PHF3: variants seen among roughly 807,000 people sequenced by gnomAD.
PHF3 encodes the protein PHD finger protein 3.
PHF3 carries 41 observed loss-of-function variants against 178.4 expected under a neutral mutation model. That is an observed-to-expected ratio of 0.23 (90% confidence interval 0.18 to 0.30). The LOEUF (loss-of-function observed/expected upper bound fraction) is 0.30, where lower values mean the gene tolerates loss of function less well. Ranked by LOEUF, PHF3 falls within the 10% of genes least tolerant of loss-of-function variation. PHF3 has a pLI of 1.00. For missense variants in PHF3, 2,346 were observed against 2,398.1 expected (o/e 0.98, Z 0.45); for synonymous variants, 842 against 800.5 (o/e 1.05, Z -0.88).
chr6:63,675,909 T>A (rs1766145285), intron 2 of PHF3, among the ~76,000 whole-genome samples: 1 of 152,216 alleles, frequency 6.6e-6, no homozygotes, highest in South Asian at 2.1e-4. Flanking sequence ...TCTCATCTGA[T>A]TCTCTGCTTT....
intron 14 of PHF3, among the ~76,000 whole-genome samples, chr6:63,710,342 A>G (rs1278754424): frequency 6.6e-6 from 1 of 152,180 alleles, no homozygotes; most frequent in Non-Finnish European, 1.5e-5. Context: ...TGTTACTAAC[A>G]TATGTATGGT....
intron 3 of PHF3, among the ~76,000 whole-genome samples, chr6:63,683,380 G>A (rs532262412): frequency 2.6e-5 from 4 of 152,092 alleles, no homozygotes; most frequent in East Asian, 1.9e-4. Flanking sequence ...TGATACAAGG[G>A]GGGGATGTAT....
chr6:63,717,831 A>AT lies in PHF3; in HGVS notation c.*4130dup, dbSNP rs948051870. ...AGATAATTTTGTCCTCAAAGTAATG[A>AT]TTTTTTTCAGGAACTTATTATTTAT... is the stretch of plus-strand genomic sequence containing the variant. On this transcript the variant is annotated 3_prime_UTR_variant, in exon 16 of 16. Transcript: ENST00000262043. Among the ~76,000 whole-genome samples the AT allele has an allele frequency of 5.3e-5, 8 of 151,956 alleles. No individual in the cohort carries two copies. The highest frequency in any genetic ancestry group is 1.3e-4 in the Admixed American group (2 of 15,226).
rs1417885406 is a variant in PHF3 at position 63,722,292 on chromosome 6, C to T, written c.*8584C>T. Among the ~76,000 whole-genome samples, 1 of 152,110 alleles carries T rather than the reference C, an allele frequency of 6.6e-6. No individual in the cohort carries two copies. The highest frequency in any genetic ancestry group is 2.1e-4 in the South Asian group (1 of 4,832). On this transcript the variant is annotated 3_prime_UTR_variant, in exon 16 of 16. Transcript: ENST00000262043. ...CGCCTGTTTTCTAGGAACACTCCGCCACCCCATTCCACCTCAACTAGATAA... is the reference window on the plus strand; with the variant it reads ...CGCCTGTTTTCTAGGAACACTCCGCTACCCCATTCCACCTCAACTAGATAA...
intron 1 of PHF3, among the ~76,000 whole-genome samples, chr6:63,645,682 A>G (rs2225595): frequency 0.78 from 118,222 of 152,078 alleles, 47,026 homozygotes; most frequent in African/African-American, 0.94. Context: ...TCTCAAACTG[A>G]TTTAACTTAA....
In PHF3 at chr6:63,646,742, G is replaced by A. The variant is rs898280982; in HGVS notation, c.191G>A (p.Cys64Tyr). The stretch of plus-strand genomic sequence containing the variant: ...CTAGGATCTGCAAGTAACCAGTTCT[G>A]TTTGCCTGTTTTGGATAGCAATGAT... ...PMLGSASNQF[C>Y]LPVLDSNDPN... Residue 64 changes from cysteine to tyrosine, a missense_variant, in exon 2 of 16, where the codon TGT becomes TAT. Physicochemically the swap from Cys to Tyr is radical, Grantham distance 194. Coordinates refer to ENST00000262043, the MANE Select transcript of PHF3 (RefSeq NM_001370348.2). 1 of 1,594,552 alleles carries A rather than the reference G, an allele frequency of 6.3e-7. No homozygotes were observed. Among genetic ancestry groups the A allele is most frequent in the Non-Finnish European group, 8.5e-7 (1 of 1,171,922 alleles).
intron 2 of PHF3, among the ~76,000 whole-genome samples, chr6:63,659,209 A>G (rs562279403): frequency 2.0e-5 from 3 of 152,312 alleles, no homozygotes; most frequent in East Asian, 1.9e-4. Flanking sequence ...CCATTCCACA[A>G]TGTATACATA....
At chr6:63,695,550 T>C (rs1767197286) in intron 6 of PHF3, among the ~76,000 whole-genome samples, 1 of 152,162 alleles carries the variant, frequency 6.6e-6, no homozygotes, top group Non-Finnish European at 1.5e-5. Context: ...TTTGGGGCTA[T>C]GGCAGAGTTT....
rs765933173 is a variant in PHF3 at position 63,711,143 on chromosome 6, A to G, written c.3802-24A>G. The G allele has an allele frequency of 3.3e-6, 5 of 1,538,016 alleles. No individual in the cohort carries two copies. In the African/African-American group the frequency reaches 4.1e-5, roughly 13 times the overall value. On this transcript the variant is annotated intron_variant, in intron 14 of 15. Coordinates refer to ENST00000262043, the MANE Select transcript of PHF3 (RefSeq NM_001370348.2). Reference sequence around the variant, plus strand: ...ACTCTTTAGCTTATTACCTTAAACAATTATTTGTTATTTTCTTGAACAGGA... The same window carrying G: ...ACTCTTTAGCTTATTACCTTAAACAGTTATTTGTTATTTTCTTGAACAGGA...
At position 63,721,803 on chromosome 6, in the gene PHF3, A is replaced by AGG. The variant is rs1561994472; in HGVS notation, c.*8096_*8097insGG. 2 of 1,538,200 alleles carry AGG rather than the reference A, an allele frequency of 1.3e-6. No individual in the cohort carries two copies. The highest frequency in any genetic ancestry group is 2.8e-5 in the African/African-American group (2 of 72,380). On this transcript the variant is annotated 3_prime_UTR_variant, in exon 16 of 16. Transcript: ENST00000262043. Reference sequence around the variant, plus strand: ...AGAGATGCATAAAAAATCACCTGCAAGAAAGCAAACAGTAAGTTTGATTAG... The same window carrying AGG: ...AGAGATGCATAAAAAATCACCTGCAAGGGAAAGCAAACAGTAAGTTTGATTAG...
chr6:63,638,470 C>T (rs879449372), intron 1 of PHF3, among the ~76,000 whole-genome samples: 29 of 152,156 alleles, frequency 1.9e-4, no homozygotes, highest in Non-Finnish European at 3.7e-4. Context: ...ATTTAAATTT[C>T]TCATAAAATC....
intron 10 of PHF3, 23 bp from the exon 11 acceptor site, chr6:63,703,513 A>G (rs1256924171): frequency 6.3e-7 from 1 of 1,588,698 alleles, no homozygotes; most frequent in Non-Finnish European, 8.5e-7. Flanking sequence ...GCTAAAACTA[A>G]TTTTTACTTT....
At chr6:63,684,086 A>G (rs1582070672) in intron 3 of PHF3, 43 bp from the exon 4 acceptor site, 25 of 1,414,316 alleles carry the variant, frequency 1.8e-5, no homozygotes, top group Non-Finnish European at 2.2e-5. Flanking sequence ...AGCACATGAC[A>G]AAATAGCTAA....
At chr6:63,695,256 G>A (rs1258148291) in intron 6 of PHF3, among the ~76,000 whole-genome samples, 1 of 152,156 alleles carries the variant, frequency 6.6e-6, no homozygotes, top group Non-Finnish European at 1.5e-5. Context: ...CATTTGAGGA[G>A]CAAGAAAGCC....
chr6:63,648,270 T>G (rs961664338), intron 2 of PHF3, among the ~76,000 whole-genome samples: 4 of 152,232 alleles, frequency 2.6e-5, no homozygotes, highest in Admixed American at 6.5e-5. Context: ...AGTTTTTTAC[T>G]TTGGTGCTTG....
In PHF3 at chr6:63,713,166, C is replaced by A. The variant is rs1380859564; in HGVS notation, c.5578C>A (p.His1860Asn). ...CATGGTTCCCTGGCCACCTGTTGTTCATCTCCCAGGTCAGCCACAGCGTAT... is the reference window on the plus strand; with the variant it reads ...CATGGTTCCCTGGCCACCTGTTGTTAATCTCCCAGGTCAGCCACAGCGTAT... ...NPMVPWPPVV[H>N]LPGQPQRMMG... Residue 1860 changes from histidine to asparagine, a missense_variant, in exon 16 of 16, where the codon CAT (histidine) becomes AAT (asparagine). Around this residue, in one of 8 missense-constraint regions of PHF3, gnomAD observed 839 missense variants for 806.9 expected, o/e 1.04. Transcript: ENST00000262043. 1.2e-6 allele frequency: 2 copies of A among 1,614,018 alleles called. No homozygotes were observed. Among genetic ancestry groups the A allele is most frequent in the Non-Finnish European group, 1.7e-6 (2 of 1,179,972 alleles).
At position 63,719,272 on chromosome 6, in the gene PHF3, G is replaced by A. The variant is rs1190935157; in HGVS notation, c.*5564G>A. ...TTTTTGAATGATAAATTACTACCTC[G>A]TTACTTTGTATAGACTGGAATCTGC... is the stretch of plus-strand genomic sequence containing the variant. On this transcript the variant is annotated 3_prime_UTR_variant, in exon 16 of 16. Coordinates refer to ENST00000262043, the MANE Select transcript of PHF3 (RefSeq NM_001370348.2). 1.3e-5 allele frequency among the ~76,000 whole-genome samples: 2 copies of A among 152,038 alleles called. No homozygotes were observed. The highest frequency in any genetic ancestry group is 1.5e-5 in the Non-Finnish European group (1 of 67,972).
Position 63,721,783 on chromosome 6 carries a change from T to C in PHF3, c.*8075T>C, listed in dbSNP as rs200962604. 3.2e-6 allele frequency: 5 copies of C among 1,542,064 alleles called. No homozygotes were observed. Among genetic ancestry groups the C allele is most frequent in the Non-Finnish European group, 1.8e-6 (2 of 1,142,262 alleles). ...TGAACGGAACTATTTACTAAAGAGATGCATAAAAAATCACCTGCAAGAAAG... is the reference window on the plus strand; with the variant it reads ...TGAACGGAACTATTTACTAAAGAGACGCATAAAAAATCACCTGCAAGAAAG... On this transcript the variant is annotated 3_prime_UTR_variant, in exon 16 of 16. Coordinates refer to ENST00000262043, the MANE Select transcript of PHF3 (RefSeq NM_001370348.2).
Position 63,713,400 on chromosome 6 carries a change from G to C in PHF3, c.5812G>C (p.Glu1938Gln), listed in dbSNP as rs1294730778. 1.2e-6 allele frequency: 2 copies of C among 1,613,890 alleles called. No individual in the cohort carries two copies. The highest frequency in any genetic ancestry group is 1.7e-6 in the Non-Finnish European group (2 of 1,179,984). The change falls in exon 16 of 16, where the codon GAA (glutamate) becomes CAA (glutamine). Residue 1938 changes from glutamate to glutamine, a missense_variant. Physicochemically the swap from Glu to Gln is conservative, Grantham distance 29. Around this residue, in one of 8 missense-constraint regions of PHF3, gnomAD observed 839 missense variants for 806.9 expected, o/e 1.04. Coordinates refer to ENST00000262043, the MANE Select transcript of PHF3 (RefSeq NM_001370348.2). ...HHLKRERHEK[E>Q]WEQESERHRR... is the part of the protein sequence containing the mutation. ...TTTGAAAAGAGAGCGACATGAAAAG[G>C]AATGGGAGCAAGAATCTGAAAGGCA...
Sources: gnomAD v4.1 joint callset for allele counts (sites outside exome capture counted in the v4.1 genomes callset) on GRCh38, gnomAD v4.1.1 for gene constraint, gnomAD v4.1.1 regional missense constraint, MANE v1.5 for transcripts, NCBI Gene and HGNC (gene_info 2026-07-23, HGNC 2026-07-21) for gene names.